The following SYNE1 variants were observed in gnomAD, a reference collection of about 807,000 sequenced individuals.
SYNE1 encodes spectrin repeat containing nuclear envelope protein 1.
A neutral mutation model predicts 1,111.0 loss-of-function variants in SYNE1; 616 were observed. The ratio of observed to expected loss-of-function variants is 0.55; its 90% CI spans 0.52 to 0.59. The LOEUF is 0.59. Among genes scored for constraint, SYNE1 ranks in the 20% least tolerant of loss-of-function variants. The pLI is 0.00. For synonymous variants in SYNE1, 3,855 were observed against 3,825.8 expected (o/e 1.01, Z -0.28); for missense variants, 10,006 against 10,417.0 (o/e 0.96, Z 1.72).
intron 56 of SYNE1, among the ~76,000 whole-genome samples, chr6:152,379,893 T>C (rs1225691763): frequency 1.3e-5 from 2 of 152,186 alleles, no homozygotes; most frequent in East Asian, 3.8e-4. Context: ...AAAATTTCAC[T>C]CTGTGACTGG....
chr6:152,369,497 T>A lies in SYNE1; in HGVS notation c.9625A>T (p.Lys3209Ter), dbSNP rs780991031. Residue 3209 changes from lysine (K) to a stop codon, truncating the protein, a stop_gained, in exon 60 of 146, where the codon AAG (lysine) becomes TAG (stop). Transcript: ENST00000367255. LOFTEE classifies it high-confidence loss of function. The part of the protein sequence containing the change: ...SSNRLYDLPA[K>*]RREQQKLQSV... Reference sequence around the variant, plus strand: ...TGGAGCTTCTGCTGCTCCCTCCTCTTTGCTGGCAGATCATAGAGGCGATTG... The same window carrying A: ...TGGAGCTTCTGCTGCTCCCTCCTCTATGCTGGCAGATCATAGAGGCGATTG... 10 of 1,614,032 alleles carry A rather than the reference T, an allele frequency of 6.2e-6. No homozygotes were observed. Among genetic ancestry groups the A allele is most frequent in the Non-Finnish European group, 7.6e-6 (9 of 1,180,028 alleles).
chr6:152,604,942 CACAAAGAA>C (rs1432123624), intron 3 of SYNE1, among the ~76,000 whole-genome samples: 10 of 116,754 alleles, frequency 8.6e-5, no homozygotes, highest in African/African-American at 3.3e-4. Context: ...GACCCTATCT[CACAAAGAA>C]AGAAAGAAAG....
At chr6:152,175,011 T>G (rs2813505) in intron 130 of SYNE1, among the ~76,000 whole-genome samples, 1 of 151,976 alleles carries the variant, frequency 6.6e-6, no homozygotes, top group East Asian at 1.9e-4. Context: ...CTGGCAAACA[T>G]GGTGAAACCC....
intron 101 of SYNE1, 95 bp downstream of exon 101, chr6:152,261,937 A>G (rs2092053375): frequency 9.5e-7 from 1 of 1,051,488 alleles, no homozygotes; most frequent in Non-Finnish European, 1.3e-6. Context: ...TTTGAAATTG[A>G]TCATGAAAAT....
rs745947516 is a variant in SYNE1, at chr6:152,151,720, TA to T, written c.24313-31del. On this transcript the variant is annotated intron_variant, in intron 134 of 145. Coordinates refer to ENST00000367255, the MANE Select transcript of SYNE1 (RefSeq NM_182961.4). ...AAGGCAAGAGGAAAGTAGTAACAATTATTTTTATTAAAAGTCCTTCTAAACA... is the reference window on the plus strand; with the variant it reads ...AAGGCAAGAGGAAAGTAGTAACAATTTTTTTATTAAAAGTCCTTCTAAACA... 5.6e-6 allele frequency: 9 copies of T among 1,607,382 alleles called. No homozygotes were observed. The East Asian group carries it at 1.6e-4, about 28-fold the overall frequency.
At chr6:152,260,847 T>C (rs2091885693) in intron 101 of SYNE1, among the ~76,000 whole-genome samples, 1 of 152,068 alleles carries the variant, frequency 6.6e-6, no homozygotes, top group Admixed American at 6.5e-5. Context: ...CTAGTGCTGC[T>C]ACTGTTCTAA....
At chr6:152,604,202 T>G (rs1312799803) in intron 3 of SYNE1, among the ~76,000 whole-genome samples, 1 of 151,472 alleles carries the variant, frequency 6.6e-6, no homozygotes, top group African/African-American at 2.4e-5. Context: ...GTGTATGTAG[T>G]GGTATTGGGA....
At chr6:152,340,354 T>A (rs2096506714) in intron 74 of SYNE1, among the ~76,000 whole-genome samples, 2 of 152,154 alleles carry the variant, frequency 1.3e-5, no homozygotes, top group Non-Finnish European at 2.9e-5. Context: ...TGACCATACA[T>A]CCCAATTTGC....
Position 152,621,363 on chromosome 6 carries a change from A to G in SYNE1, c.67+6902T>C, listed in dbSNP as rs965639040. 1.1e-4 allele frequency among the ~76,000 whole-genome samples: 17 copies of G among 152,346 alleles called. No individual in the cohort carries two copies. The East Asian group carries it at 3.1e-3, about 28-fold the overall frequency. On this transcript the variant is annotated intron_variant, in intron 3 of 145. Transcript: ENST00000367255. The stretch of plus-strand genomic sequence containing the variant: ...AAAAGTAAGGTAATATGTTTAAAAA[A>G]ATTCATGTGGAGGTAACAAGATATA...
intron 127 of SYNE1, among the ~76,000 whole-genome samples, chr6:152,190,007 C>T (rs956748673): frequency 6.6e-6 from 1 of 152,200 alleles, no homozygotes; most frequent in African/African-American, 2.4e-5. Context: ...TCCTCTCAAA[C>T]CCTACTGCTA....
At position 152,381,008 on chromosome 6, in the gene SYNE1, G is replaced by T; in HGVS notation, c.9007C>A (p.Gln3003Lys). The T allele has an allele frequency of 1.2e-6, 2 of 1,613,850 alleles. No homozygotes were observed. The highest frequency in any genetic ancestry group is 2.7e-5 in the African/African-American group (2 of 75,008). Reference protein sequence around the residue: ...EEIVECWHKGQEILDALQKAE... With the variant: ...EEIVECWHKGKEILDALQKAE... The stretch of plus-strand genomic sequence containing the variant: ...TAGAAAACAGGAAGCCAACTTACTT[G>T]TCCTTTGTGCCAGCATTCCACTATC... The change falls in exon 56 of 146, where the codon CAA (glutamine) becomes AAA (lysine). Residue 3003 changes from glutamine to lysine, a missense_variant and splice_region_variant. Physicochemically the swap from Gln to Lys is moderately conservative, Grantham distance 53. Transcript: ENST00000367255.
chr6:152,550,096 G>C (rs1051883822), intron 3 of SYNE1, among the ~76,000 whole-genome samples: 5 of 152,268 alleles, frequency 3.3e-5, no homozygotes, highest in Admixed American at 3.3e-4. Context: ...GATACTGGCA[G>C]TACCCTACAC....
intron 35 of SYNE1, 125 bp from the exon 36 acceptor site, chr6:152,430,335 A>C: frequency 8.0e-6 from 9 of 1,128,960 alleles, no homozygotes; most frequent in Non-Finnish European, 1.2e-5. Flanking sequence ...TATAAAATGC[A>C]TTCTTTAAAC....
intron 119 of SYNE1, among the ~76,000 whole-genome samples, chr6:152,220,069 A>C (rs9478304): frequency 0.14 from 20,746 of 152,208 alleles, 2,621 homozygotes; most frequent in African/African-American, 0.34. Context: ...AATTATGTGG[A>C]TGAAAAAAGC....
chr6:152,268,026 A>C (rs200881487), intron 100 of SYNE1, 30 bp downstream of exon 100: 335 of 1,559,660 alleles, frequency 2.1e-4, no homozygotes, highest in Non-Finnish European at 2.9e-4. Context: ...AAACACAATG[A>C]AGAGAAAATG....
intron 14 of SYNE1, among the ~76,000 whole-genome samples, chr6:152,480,363 A>G (rs2154291427): frequency 6.6e-6 from 1 of 152,284 alleles, no homozygotes; most frequent in East Asian, 1.9e-4. Flanking sequence ...TCTACTAAAA[A>G]TACAAATATT....
intron 11 of SYNE1, among the ~76,000 whole-genome samples, chr6:152,493,567 ACAACCTTCTACTTTATAGC>A (rs1402118921): frequency 2.0e-5 from 3 of 152,080 alleles, no homozygotes; most frequent in Non-Finnish European, 2.9e-5. Flanking sequence ...CAATATTTTG[ACAACCTTCTACTTTATAGC>A]CCCTCCTACA....
chr6:152,448,765 C>A (rs565905347), intron 28 of SYNE1, among the ~76,000 whole-genome samples: 1 of 152,140 alleles, frequency 6.6e-6, no homozygotes, highest in East Asian at 1.9e-4. Flanking sequence ...TTGCTTAAGC[C>A]CAGGAGGTCG....
intron 41 of SYNE1, among the ~76,000 whole-genome samples, chr6:152,415,452 A>G (rs909224949): frequency 2.6e-5 from 4 of 152,166 alleles, no homozygotes; most frequent in South Asian, 4.1e-4. Context: ...GCTCCCCTCT[A>G]CAAGAGAACT....
Sources: gnomAD v4.1 joint callset for allele counts (sites outside exome capture counted in the v4.1 genomes callset) on GRCh38, gnomAD v4.1.1 for gene constraint, MANE v1.5 for transcripts, NCBI Gene and HGNC (gene_info 2026-07-23, HGNC 2026-07-21) for gene names.